The following CDH18 variants were observed in gnomAD, a reference collection of about 807,000 sequenced individuals.
CDH18 encodes the protein cadherin-18.
Under a neutral mutation model 67.9 loss-of-function variants are expected in CDH18, and 31 were observed. That is an observed-to-expected ratio of 0.46 (90% CI 0.34 to 0.62). The LOEUF is 0.62. Ranked by LOEUF, CDH18 falls within the 20% of genes least tolerant of loss-of-function variation. The pLI is 0.01. For missense variants in CDH18, 890 were observed against 975.5 expected, an observed-to-expected ratio of 0.91 and a Z score of 1.17; for synonymous variants, 362 against 347.2, an observed-to-expected ratio of 1.04 and a Z score of -0.48.
At chr5:20,124,489 A>G (rs2126438373) in intron 2 of CDH18, among the ~76,000 whole-genome samples, 1 of 152,176 alleles carries the variant, frequency 6.6e-6, no homozygotes, top group East Asian at 1.9e-4. Context: ...TGCTGTGAGG[A>G]TTAAAATAAA....
intron 2 of CDH18, among the ~76,000 whole-genome samples, chr5:20,152,202 A>ATATATAATATATATAAT (rs1751178629): frequency 2.4e-5 from 1 of 41,020 alleles, no homozygotes; most frequent in Admixed American, 2.3e-4. Context: ...ATATATAATT[A>ATATATAATATATATAAT]TATATAATAT....
At chr5:20,069,986 T>C (rs1303778465) in intron 2 of CDH18, among the ~76,000 whole-genome samples, 3 of 152,194 alleles carry the variant, frequency 2.0e-5, no homozygotes, top group Non-Finnish European at 2.9e-5. Context: ...AGAGATACAA[T>C]GATGTGTACT....
chr5:19,836,654 CA>C (rs1021393636), intron 3 of CDH18, among the ~76,000 whole-genome samples: 82 of 152,184 alleles, frequency 5.4e-4, no homozygotes, highest in African/African-American at 1.8e-3. Flanking sequence ...TTTTGCTGTG[CA>C]GAGGCTCTTT....
chr5:19,819,431 C>A (rs984003579), intron 3 of CDH18, among the ~76,000 whole-genome samples: 2 of 152,074 alleles, frequency 1.3e-5, no homozygotes, highest in Non-Finnish European at 2.9e-5. Context: ...TGAGAGAAAA[C>A]ACTCAAAGTC....
intron 1 of CDH18, among the ~76,000 whole-genome samples, chr5:20,554,156 A>G (rs1248417441): frequency 6.6e-6 from 1 of 152,156 alleles, no homozygotes; most frequent in Non-Finnish European, 1.5e-5. Flanking sequence ...TCTAGTCAGT[A>G]TTTTAGATGG....
intron 2 of CDH18, among the ~76,000 whole-genome samples, chr5:20,084,602 T>C (rs1226081230): frequency 6.6e-6 from 1 of 152,182 alleles, no homozygotes. Flanking sequence ...AGGTTCTCCA[T>C]GAGAGCCCTG....
At chr5:19,591,660 T>C (rs951369639) in intron 6 of CDH18, among the ~76,000 whole-genome samples, 3 of 152,016 alleles carry the variant, frequency 2.0e-5, no homozygotes, top group African/African-American at 4.8e-5. Context: ...TATGGAAATA[T>C]GGAATTCAAC....
At chr5:20,209,292 G>T (rs902271336) in intron 2 of CDH18, among the ~76,000 whole-genome samples, 6 of 152,022 alleles carry the variant, frequency 3.9e-5, no homozygotes, top group Admixed American at 1.3e-4. Flanking sequence ...ATTGAAAAAA[G>T]ATGTGAACTC....
chr5:19,554,154 A>T (rs1737962813), intron 8 of CDH18, among the ~76,000 whole-genome samples: 1 of 152,212 alleles, frequency 6.6e-6, no homozygotes, highest in South Asian at 2.1e-4. Flanking sequence ...CATGGCACAT[A>T]GATATTTGCG....
rs114927328 is a variant in CDH18, at chr5:19,565,127, C to T, written c.1253+6452G>A. 5.4e-3 allele frequency among the ~76,000 whole-genome samples: 820 copies of T among 152,068 alleles called. 8 individuals carry two copies. The highest frequency in any genetic ancestry group is 0.018 in the African/African-American group (754 of 41,486). On this transcript the variant is annotated intron_variant, in intron 8 of 12. Transcript: ENST00000382275. ...GGCTGTGGAACATGAGAGGCAACAT[C>T]GAGGGGAAGGACACAATCCTGGCTG... is the stretch of plus-strand genomic sequence containing the variant.
chr5:19,542,561 T>C (rs1462009884), intron 9 of CDH18, among the ~76,000 whole-genome samples: 1 of 152,136 alleles, frequency 6.6e-6, no homozygotes, highest in Non-Finnish European at 1.5e-5. Flanking sequence ...ATCAATACAA[T>C]AGAATAATTT....
chr5:20,106,867 G>A (rs1050522033), intron 2 of CDH18, among the ~76,000 whole-genome samples: 27 of 152,172 alleles, frequency 1.8e-4, no homozygotes, highest in African/African-American at 6.5e-4. Context: ...GTTAGATAAT[G>A]AAGCTAATAT....
At chr5:20,091,935 C>A (rs947156339) in intron 2 of CDH18, among the ~76,000 whole-genome samples, 3 of 152,062 alleles carry the variant, frequency 2.0e-5, no homozygotes, top group Non-Finnish European at 2.9e-5. Context: ...GCTGGGAGGA[C>A]CTTTTTAAAA....
At position 20,219,438 on chromosome 5, in the gene CDH18, A is replaced by G. The variant is rs556389123; in HGVS notation, c.-518+36006T>C. On this transcript the variant is annotated intron_variant, in intron 2 of 14. Coordinates refer to the CDH18 transcript ENST00000507958. ...ATCAATCTTACTCAAAACTATTCAGAAAAATAGCAGAGGAAGGGATACTTC... is the reference window on the plus strand; with the variant it reads ...ATCAATCTTACTCAAAACTATTCAGGAAAATAGCAGAGGAAGGGATACTTC... 5.3e-5 allele frequency among the ~76,000 whole-genome samples: 8 copies of G among 151,944 alleles called. No homozygotes were observed. In the East Asian group the frequency reaches 1.6e-3, roughly 29 times the overall value.
intron 2 of CDH18, among the ~76,000 whole-genome samples, chr5:20,051,365 A>G (rs2150490542): frequency 6.6e-6 from 1 of 152,098 alleles, no homozygotes; most frequent in African/African-American, 2.4e-5. Flanking sequence ...TTTTTGTGAT[A>G]CAGTCTTCTA....
chr5:20,289,446 G>C (rs1746938378), intron 1 of CDH18, among the ~76,000 whole-genome samples: 1 of 151,794 alleles, frequency 6.6e-6, no homozygotes, highest in Non-Finnish European at 1.5e-5. Context: ...AGTGACTTGT[G>C]GCCACTTTAA....
intron 1 of CDH18, among the ~76,000 whole-genome samples, chr5:20,339,849 T>C (rs1740109818): frequency 2.0e-5 from 3 of 152,202 alleles, no homozygotes; most frequent in South Asian, 2.1e-4. Flanking sequence ...TATGCAACCC[T>C]TGAATCAAAC....
intron 10 of CDH18, among the ~76,000 whole-genome samples, chr5:19,519,005 C>T (rs1423634459): frequency 6.6e-6 from 1 of 152,066 alleles, no homozygotes; most frequent in African/African-American, 2.4e-5. Context: ...GTCACTAATG[C>T]CCAAATAAAG....
At chr5:19,774,808 C>CAAAAAAAAAAAAAAAAAAAAAAAAAA (rs59248561) in intron 3 of CDH18, among the ~76,000 whole-genome samples, 1 of 35,416 alleles carries the variant, frequency 2.8e-5, no homozygotes, top group African/African-American at 1.0e-4. Context: ...GACTCTGTCT[C>CAAAAAAAAAAAAAAAAAAAAAAAAAA]AAAAAAAAAA....
Sources: gnomAD v4.1 joint callset for allele counts (sites outside exome capture counted in the v4.1 genomes callset) on GRCh38, gnomAD v4.1.1 for gene constraint, MANE v1.5 for transcripts, NCBI Gene and HGNC (gene_info 2026-07-23, HGNC 2026-07-21) for gene names.